YAP1: variants seen among roughly 807,000 people sequenced by gnomAD.
The protein encoded by YAP1 is transcriptional coactivator YAP1.
In YAP1, 5 loss-of-function variants were observed where a neutral mutation model predicts 56.9. That is an observed-to-expected ratio of 0.09 (90% CI 0.05 to 0.18). The LOEUF (loss-of-function observed/expected upper bound fraction) is 0.18, where lower values mean the gene tolerates loss of function less well. YAP1 is among the 10% of genes least tolerant of loss of function. The probability of loss-of-function intolerance (pLI) is 1.00; values close to 1 mark genes in which losing one functional copy is unlikely to be tolerated. For synonymous variants in YAP1, 265 were observed against 248.1 expected (o/e 1.07, Z -0.64); for missense variants, 539 against 651.8 (o/e 0.83, Z 1.88).
At position 102,117,606 on chromosome 11, in the gene YAP1, A is replaced by C. The variant is rs186909752; in HGVS notation, c.572+3212A>C. On this transcript the variant is annotated intron_variant, in intron 2 of 8. Coordinates refer to ENST00000282441, the MANE Select transcript of YAP1 (RefSeq NM_001130145.3). ...GCATGATTACTGAAAGATTATAAGC[A>C]GGCAATCATTCGTTGTTTTAAAGCC... 1.1e-3 allele frequency among the ~76,000 whole-genome samples: 167 copies of C among 152,302 alleles called. 1 individual carries two copies. Among genetic ancestry groups the C allele is most frequent in the Non-Finnish European group, 9.8e-4 (67 of 68,024 alleles).
intron 2 of YAP1, among the ~76,000 whole-genome samples, chr11:102,132,386 T>C (rs1169922769): frequency 2.0e-5 from 3 of 152,244 alleles, no homozygotes; most frequent in Admixed American, 6.5e-5. Flanking sequence ...AATTAATTAA[T>C]CTCAGTTTAC....
At chr11:102,131,262 T>C (rs1944354044) in intron 2 of YAP1, among the ~76,000 whole-genome samples, 1 of 152,250 alleles carries the variant, frequency 6.6e-6, no homozygotes, top group South Asian at 2.1e-4. Flanking sequence ...CTTCCTGCCA[T>C]TCTTTTCTGT....
Position 102,110,574 on chromosome 11 carries a change from G to A in YAP1, c.-275G>A, listed in dbSNP as rs1942821581. 1 of 212,064 alleles carries A rather than the reference G, an allele frequency of 4.7e-6. No homozygotes were observed. The highest frequency in any genetic ancestry group is 2.3e-5 in the African/African-American group (1 of 43,268). The allele number at this position is 212,064 out of a possible 1,614,324, so 13.1% of individuals were successfully genotyped here. A position where few individuals can be genotyped will look rare whatever the true frequency, so the allele number is the denominator to read the frequency against. Reference sequence around the variant, plus strand: ...CCGGCCTCCGTCAAGGGAGTTGGAGGGAAAAAGTTCTCAGGCGCCGCAGGT... The same window carrying A: ...CCGGCCTCCGTCAAGGGAGTTGGAGAGAAAAAGTTCTCAGGCGCCGCAGGT... On this transcript the variant is annotated 5_prime_UTR_variant, in exon 1 of 9. Coordinates refer to ENST00000282441, the MANE Select transcript of YAP1 (RefSeq NM_001130145.3).
At chr11:102,193,018 A>G (rs768272491) in intron 4 of YAP1, among the ~76,000 whole-genome samples, 2 of 152,228 alleles carry the variant, frequency 1.3e-5, no homozygotes, top group Non-Finnish European at 2.9e-5. Context: ...TGTTCATGTT[A>G]GCAAAGTTCA....
At position 102,114,155 on chromosome 11, in the gene YAP1, T is replaced by A; in HGVS notation, c.333T>A (p.Asp111Glu). 6.2e-7 allele frequency: 1 copy of A among 1,613,906 alleles called. No homozygotes were observed. Among genetic ancestry groups the A allele is most frequent in the Non-Finnish European group, 8.5e-7 (1 of 1,179,776 alleles). The change falls in exon 2 of 9, where the codon GAT (aspartate) becomes GAA (glutamate). Residue 111 changes from aspartate (D) to glutamate (E), a missense_variant. Asp to Glu is a conservative substitution (Grantham distance 45, BLOSUM62 2). This residue lies in a region of YAP1 where 414 missense variants were observed against 512.4 expected (regional missense o/e 0.81). Coordinates refer to ENST00000282441, the MANE Select transcript of YAP1 (RefSeq NM_001130145.3). The part of the protein sequence containing the change: ...PKSHSRQAST[D>E]AGTAGALTPQ... ...ATATTCCCTAATAGGCCAGTACTGA[T>A]GCAGGCACTGCAGGAGCCCTGACTC...
intron 3 of YAP1, among the ~76,000 whole-genome samples, chr11:102,176,488 C>CACTTTGGGAGGCAATG (rs1489481112): frequency 1.3e-5 from 2 of 152,128 alleles, no homozygotes; most frequent in East Asian, 3.9e-4. Context: ...TGGCTCACGC[C>CACTTTGGGAGGCAATG]TGTAATCCCA....
At chr11:102,161,454 T>G (rs1455958222) in intron 2 of YAP1, among the ~76,000 whole-genome samples, 1 of 152,080 alleles carries the variant, frequency 6.6e-6, no homozygotes, top group Non-Finnish European at 1.5e-5. Flanking sequence ...ATTATTAATA[T>G]TTTTTCATAT....
At chr11:102,142,656 A>G (rs1480611331) in intron 2 of YAP1, among the ~76,000 whole-genome samples, 1 of 152,250 alleles carries the variant, frequency 6.6e-6, no homozygotes, top group Non-Finnish European at 1.5e-5. Flanking sequence ...AGTACAACTC[A>G]GAAGTTTTGT....
Position 102,110,709 on chromosome 11 carries a change from C to A in YAP1, c.-140C>A, listed in dbSNP as rs1942837756. The A allele has an allele frequency of 2.0e-5, 14 of 716,874 alleles. No individual in the cohort carries two copies. Among genetic ancestry groups the A allele is most frequent in the South Asian group, 6.7e-5 (1 of 14,888 alleles). 44.4% of individuals were successfully genotyped at this position (716,874 alleles called of 1,614,324 possible). On this transcript the variant is annotated 5_prime_UTR_variant, in exon 1 of 9. Coordinates refer to ENST00000282441, the MANE Select transcript of YAP1 (RefSeq NM_001130145.3). ...GGGGATGCGGGGCCGCGGCGCAGCCCCCCGGCCCTGAGAGCGAGGACAGCG... is the reference window on the plus strand; with the variant it reads ...GGGGATGCGGGGCCGCGGCGCAGCCACCCGGCCCTGAGAGCGAGGACAGCG...
intron 2 of YAP1, among the ~76,000 whole-genome samples, chr11:102,125,378 CTTT>C (rs141361882): frequency 0.011 from 1,284 of 115,282 alleles, 13 homozygotes; most frequent in East Asian, 0.056. Flanking sequence ...CTTTTCTTTT[CTTT>C]TTTTTTTTTT....
intron 4 of YAP1, among the ~76,000 whole-genome samples, chr11:102,202,848 TCTC>T (rs1174960796): frequency 3.3e-5 from 5 of 152,206 alleles, no homozygotes; most frequent in African/African-American, 1.2e-4. Flanking sequence ...TTGTGCCTTC[TCTC>T]CTCATGTAGT....
intron 3 of YAP1, among the ~76,000 whole-genome samples, chr11:102,175,422 C>T (rs1478892557): frequency 2.6e-5 from 4 of 152,086 alleles, no homozygotes; most frequent in African/African-American, 9.7e-5. Context: ...ATTTCTTTTA[C>T]CAAAACTTGA....
chr11:102,189,783 A>C (rs928550001), intron 4 of YAP1, among the ~76,000 whole-genome samples: 1 of 152,238 alleles, frequency 6.6e-6, no homozygotes, highest in African/African-American at 2.4e-5. Context: ...TAAGTAAAAT[A>C]CAAATACCTA....
At chr11:102,125,923 C>A (rs1284658134) in intron 2 of YAP1, among the ~76,000 whole-genome samples, 5 of 152,020 alleles carry the variant, frequency 3.3e-5, no homozygotes, top group Non-Finnish European at 7.4e-5. Context: ...TTAGTAATTT[C>A]CTCTTTTAGC....
intron 3 of YAP1, among the ~76,000 whole-genome samples, chr11:102,177,008 A>G (rs552480915): frequency 2.6e-5 from 4 of 152,104 alleles, no homozygotes; most frequent in Non-Finnish European, 5.9e-5. Flanking sequence ...TATGTAGACA[A>G]GTTATTAGGA....
Position 102,157,029 on chromosome 11 carries a change from T to A in YAP1, c.573-5427T>A, listed in dbSNP as rs951209532. ...GTGTGGTGTACAGTTTGTAGACTTA[T>A]AATAAATGGTCATGTTTGCTTTTAT... is the stretch of plus-strand genomic sequence containing the variant. On this transcript the variant is annotated intron_variant, in intron 2 of 8. Coordinates refer to ENST00000282441, the MANE Select transcript of YAP1 (RefSeq NM_001130145.3). Among the ~76,000 whole-genome samples, 3 of 152,364 alleles carry A rather than the reference T, an allele frequency of 2.0e-5. No individual in the cohort carries two copies. In the South Asian group the frequency reaches 6.2e-4, roughly 32 times the overall value.
At chr11:102,138,769 T>C (rs999217732) in intron 2 of YAP1, among the ~76,000 whole-genome samples, 7 of 152,240 alleles carry the variant, frequency 4.6e-5, no homozygotes, top group East Asian at 3.8e-4. Context: ...TAGTAAATTA[T>C]CTGAGTCATC....
intron 3 of YAP1, among the ~76,000 whole-genome samples, chr11:102,167,379 T>TATAA (rs1346606572): frequency 6.6e-6 from 1 of 152,242 alleles, no homozygotes; most frequent in Non-Finnish European, 1.5e-5. Flanking sequence ...ATATTCAATG[T>TATAA]ATAAATATAT....
At chr11:102,161,053 C>CTTTTTTTTTTTTTTTT (rs67023819) in intron 2 of YAP1, among the ~76,000 whole-genome samples, 1 of 75,492 alleles carries the variant, frequency 1.3e-5, no homozygotes, top group African/African-American at 5.6e-5. Context: ...TAATTTCTTT[C>CTTTTTTTTTTTTTTTT]TTTTTTTTTT....
Sources: gnomAD v4.1 joint callset for allele counts (sites outside exome capture counted in the v4.1 genomes callset) on GRCh38, gnomAD v4.1.1 for gene constraint, gnomAD v4.1.1 regional missense constraint, MANE v1.5 for transcripts, NCBI Gene and HGNC (gene_info 2026-07-23, HGNC 2026-07-21) for gene names.